The following NREP variants were observed in gnomAD, a reference collection of about 807,000 sequenced individuals.
NREP encodes neuronal regeneration related protein.
A neutral mutation model predicts 8.6 loss-of-function variants in NREP; 5 were observed. The ratio of observed to expected loss-of-function variants is 0.58; its 90% CI spans 0.30 to 1.22. NREP has a LOEUF of 1.22. Among genes scored for constraint, NREP ranks in the 50% most tolerant of loss-of-function variants. The pLI is 0.07. For missense variants in NREP, 86 were observed against 82.5 expected (o/e 1.04, Z -0.17); for synonymous variants, 27 against 28.0 (o/e 0.96, Z 0.11).
intron 2 of NREP, among the ~76,000 whole-genome samples, chr5:111,882,089 G>T (rs6882649): frequency 0.55 from 84,206 of 151,876 alleles, 24,713 homozygotes; most frequent in Non-Finnish European, 0.67. Flanking sequence ...TGAAAAAAAT[G>T]TAGACGAATG....
At chr5:111,933,340 G>A (rs1335052097) in intron 2 of NREP, among the ~76,000 whole-genome samples, 13 of 152,106 alleles carry the variant, frequency 8.5e-5, no homozygotes, top group African/African-American at 2.9e-4. Flanking sequence ...GTAGGAAGGA[G>A]ACATGCTGTC....
At chr5:111,805,035 A>G in intron 2 of NREP, among the ~76,000 whole-genome samples, 1 of 152,128 alleles carries the variant, frequency 6.6e-6, no homozygotes, top group East Asian at 1.9e-4. Flanking sequence ...AAAAGAAACT[A>G]TTGGAAAAAT....
intron 2 of NREP, among the ~76,000 whole-genome samples, chr5:111,881,980 G>A (rs1430455710): frequency 1.3e-5 from 2 of 152,220 alleles, no homozygotes; most frequent in African/African-American, 4.8e-5. Flanking sequence ...GCTGGACAGA[G>A]AATGACTTTG....
intron 2 of NREP, among the ~76,000 whole-genome samples, chr5:111,969,879 G>A (rs1384262887): frequency 6.6e-6 from 1 of 152,160 alleles, no homozygotes; most frequent in Non-Finnish European, 1.5e-5. Flanking sequence ...ATTGAGAAGG[G>A]TGGGGACTAG....
rs1752588799 is a variant in NREP at position 111,824,951 on chromosome 5, C to G, written c.136-89444G>C. ...AGTTCAATAAATGCATTACATATAT[C>G]GTCTATGTTGTTATGTGTGTTGTGC... On this transcript the variant is annotated intron_variant, in intron 2 of 3. Coordinates refer to the NREP transcript ENST00000395634. 1.3e-5 allele frequency among the ~76,000 whole-genome samples: 2 copies of G among 152,092 alleles called. 1 individual carries two copies. The highest frequency in any genetic ancestry group is 4.8e-5 in the African/African-American group (2 of 41,416).
chr5:111,976,881 T>C (rs1756981707), exon 1 of NREP: 4 of 622,270 alleles, frequency 6.4e-6, no homozygotes, highest in South Asian at 6.1e-5. Flanking sequence ...AATAGCATGA[T>C]TGCACTGCCT....
intron 2 of NREP, among the ~76,000 whole-genome samples, chr5:111,858,896 A>C (rs1474518206): frequency 7.9e-5 from 12 of 152,172 alleles, no homozygotes. Context: ...TTTAGTAATT[A>C]TCACAAAAAC....
At chr5:111,883,701 A>T (rs1754150467) in intron 2 of NREP, among the ~76,000 whole-genome samples, 1 of 152,228 alleles carries the variant, frequency 6.6e-6, no homozygotes, top group Non-Finnish European at 1.5e-5. Flanking sequence ...ATGGAAACTG[A>T]ACAACCTGCT....
chr5:111,862,228 A>T (rs1753558805), intron 2 of NREP, among the ~76,000 whole-genome samples: 1 of 152,206 alleles, frequency 6.6e-6, no homozygotes. Context: ...TCCAGCATTT[A>T]TCCATGCACA....
At chr5:111,736,664 G>C (rs1415402083) in intron 2 of NREP, among the ~76,000 whole-genome samples, 1 of 152,062 alleles carries the variant, frequency 6.6e-6, no homozygotes. Context: ...TTCACTCTTC[G>C]GAATAATTGA....
chr5:111,808,293 G>C (rs1329172888), intron 2 of NREP, among the ~76,000 whole-genome samples: 1 of 152,176 alleles, frequency 6.6e-6, no homozygotes, highest in Non-Finnish European at 1.5e-5. Context: ...GGAAGTCTCT[G>C]CTGGGGAGGG....
chr5:111,837,704 A>G (rs1329649988), intron 2 of NREP, among the ~76,000 whole-genome samples: 1 of 152,060 alleles, frequency 6.6e-6, no homozygotes, highest in Non-Finnish European at 1.5e-5. Context: ...TCAGTGCTTG[A>G]TGAAATGATT....
At chr5:111,736,035 G>GAGAT (rs1749081299) in intron 2 of NREP, among the ~76,000 whole-genome samples, 1 of 152,140 alleles carries the variant, frequency 6.6e-6, no homozygotes, top group African/African-American at 2.4e-5. Flanking sequence ...GGAGGGGCGG[G>GAGAT]AGATAGGTGT....
At chr5:111,951,386 C>T (rs1257900155) in intron 2 of NREP, among the ~76,000 whole-genome samples, 2 of 151,862 alleles carry the variant, frequency 1.3e-5, no homozygotes, top group East Asian at 3.9e-4. Context: ...CAGGGGTAAA[C>T]GAACAATGCC....
intron 2 of NREP, among the ~76,000 whole-genome samples, chr5:111,961,700 T>C (rs1237061034): frequency 1.3e-5 from 2 of 152,224 alleles, no homozygotes; most frequent in African/African-American, 2.4e-5. Context: ...TTCTGAATCC[T>C]ACACTTCAGG....
chr5:111,916,532 T>C (rs1056779664), intron 2 of NREP, among the ~76,000 whole-genome samples: 13 of 152,124 alleles, frequency 8.5e-5, no homozygotes, highest in African/African-American at 3.1e-4. Flanking sequence ...TCTGAAGTGA[T>C]TGTATCCGAC....
intron 2 of NREP, among the ~76,000 whole-genome samples, chr5:111,904,629 G>A (rs867753629): frequency 1.3e-5 from 2 of 152,014 alleles, no homozygotes; most frequent in Non-Finnish European, 2.9e-5. Flanking sequence ...TCCATTGTAT[G>A]TGAAAGAGCC....
Position 111,730,546 on chromosome 5 carries a change from G to GGC in NREP, c.*374_*375insGC, listed in dbSNP as rs1049156441. The GGC allele has an allele frequency of 9.2e-4, 157 of 170,390 alleles. No homozygotes were observed. Among genetic ancestry groups the GGC allele is most frequent in the Non-Finnish European group, 1.7e-3 (135 of 80,234 alleles). 10.6% of individuals were successfully genotyped at this position (170,390 alleles called of 1,614,324 possible). A position where few individuals can be genotyped will look rare whatever the true frequency, so the allele number is the denominator to read the frequency against. On this transcript the variant is annotated 3_prime_UTR_variant, in exon 4 of 4. Transcript: ENST00000257435. ...TCTAAATGAAAAAAAAGGTGGGGGG[G>GGC]GGACTCTCAGCCTCTGCAAGAAGCA...
intron 2 of NREP, chr5:111,755,565 G>C (rs1441888772): frequency 2.1e-5 from 13 of 612,698 alleles, no homozygotes; most frequent in Non-Finnish European, 3.9e-5. Context: ...CAAAATAATT[G>C]CAAGTCAAAG....
Sources: gnomAD v4.1 joint callset for allele counts (sites outside exome capture counted in the v4.1 genomes callset) on GRCh38, gnomAD v4.1.1 for gene constraint, MANE v1.5 for transcripts, NCBI Gene and HGNC (gene_info 2026-07-23, HGNC 2026-07-21) for gene names.